PPM1L: variants seen among roughly 807,000 people sequenced by gnomAD.
The protein encoded by PPM1L is protein phosphatase, Mg2+/Mn2+ dependent 1L.
Under a neutral mutation model 31.4 loss-of-function variants are expected in PPM1L, and 13 were observed. The observed-to-expected ratio is 0.41, with a 90% CI of 0.27 to 0.66. The LOEUF (loss-of-function observed/expected upper bound fraction) is 0.66, where lower values mean the gene tolerates loss of function less well. PPM1L is among the 30% of genes least tolerant of loss of function. The pLI is 0.29. For synonymous variants in PPM1L, 184 were observed against 175.4 expected, an observed-to-expected ratio of 1.05 and a Z score of -0.39; for missense variants, 326 against 453.7, an observed-to-expected ratio of 0.72 and a Z score of 2.56.
At chr3:160,868,037 C>G (rs915966341) in intron 1 of PPM1L, among the ~76,000 whole-genome samples, 1 of 152,030 alleles carries the variant, frequency 6.6e-6, no homozygotes. Context: ...AAATATTAGC[C>G]TTTGTTGGAA....
At chr3:160,904,835 G>A (rs903369853) in intron 1 of PPM1L, among the ~76,000 whole-genome samples, 7 of 152,194 alleles carry the variant, frequency 4.6e-5, no homozygotes, top group African/African-American at 1.7e-4. Context: ...TATCTTTCAC[G>A]ATATGAGTGG....
chr3:160,784,423 A>G (rs568855842), intron 1 of PPM1L, among the ~76,000 whole-genome samples: 1 of 152,178 alleles, frequency 6.6e-6, no homozygotes, highest in Non-Finnish European at 1.5e-5. Flanking sequence ...GTTAATCAGG[A>G]ATAAGAGTTT....
intron 1 of PPM1L, among the ~76,000 whole-genome samples, chr3:160,920,460 A>G (rs1007879675): frequency 2.0e-5 from 3 of 152,162 alleles, no homozygotes; most frequent in African/African-American, 7.2e-5. Flanking sequence ...AAGCCTGTTT[A>G]CTTTTCCTGC....
At chr3:161,008,807 T>C (rs1336359231) in intron 2 of PPM1L, among the ~76,000 whole-genome samples, 1 of 152,168 alleles carries the variant, frequency 6.6e-6, no homozygotes, top group Non-Finnish European at 1.5e-5. Flanking sequence ...TATTAGGAGC[T>C]TAGTTTGGGA....
chr3:161,022,110 A>C, intron 2 of PPM1L: 3 of 659,338 alleles, frequency 4.6e-6, no homozygotes, highest in Non-Finnish European at 8.2e-6. Flanking sequence ...TTGTGTAGCT[A>C]GATGTTTTCT....
intron 2 of PPM1L, among the ~76,000 whole-genome samples, chr3:161,032,001 G>A (rs1010390202): frequency 1.3e-5 from 2 of 152,150 alleles, no homozygotes; most frequent in African/African-American, 4.8e-5. Flanking sequence ...GTCTAACAGG[G>A]CTGACCTATC....
At chr3:160,923,023 A>T (rs1376135746) in intron 1 of PPM1L, among the ~76,000 whole-genome samples, 1 of 152,242 alleles carries the variant, frequency 6.6e-6, no homozygotes, top group South Asian at 2.1e-4. Context: ...ACTAATGCCT[A>T]TTCAGCTGGA....
chr3:160,782,194 CA>C (rs1458527407), intron 1 of PPM1L, among the ~76,000 whole-genome samples: 2 of 151,712 alleles, frequency 1.3e-5, no homozygotes, highest in African/African-American at 4.8e-5. Flanking sequence ...TAAATGTTGT[CA>C]TGATTATCTC....
intron 1 of PPM1L, among the ~76,000 whole-genome samples, chr3:160,799,910 G>T (rs1712374390): frequency 6.6e-6 from 1 of 151,934 alleles, no homozygotes; most frequent in Admixed American, 6.6e-5. Context: ...TTTGTGTATT[G>T]TACGTCTCCC....
chr3:161,035,774 A>T (rs1718724184), intron 2 of PPM1L: 1 of 152,222 alleles, frequency 6.6e-6, no homozygotes, highest in South Asian at 2.1e-4. Context: ...TTCCCAATAG[A>T]TGACTTTGTT....
At chr3:161,010,472 T>C (rs889652165) in intron 2 of PPM1L, among the ~76,000 whole-genome samples, 10 of 152,214 alleles carry the variant, frequency 6.6e-5, no homozygotes, top group African/African-American at 2.4e-4. Flanking sequence ...TGAATAGTGC[T>C]GCAATAAACA....
chr3:161,018,892 T>C (rs1718160721), intron 2 of PPM1L, among the ~76,000 whole-genome samples: 1 of 152,188 alleles, frequency 6.6e-6, no homozygotes, highest in African/African-American at 2.4e-5. Context: ...TGACCTTCTT[T>C]GGAATTCACT....
intron 1 of PPM1L, among the ~76,000 whole-genome samples, chr3:160,838,965 G>A (rs1235383360): frequency 6.6e-6 from 1 of 152,176 alleles, no homozygotes; most frequent in African/African-American, 2.4e-5. Flanking sequence ...ATTAGGATTA[G>A]ATAAGGTCAT....
chr3:160,874,039 A>G (rs967444580), intron 1 of PPM1L, among the ~76,000 whole-genome samples: 3 of 152,202 alleles, frequency 2.0e-5, no homozygotes, highest in Admixed American at 2.0e-4. Flanking sequence ...TTGGCTACCC[A>G]GAGTCTGAAC....
At chr3:160,950,016 C>T (rs1247454233) in intron 1 of PPM1L, among the ~76,000 whole-genome samples, 1 of 152,086 alleles carries the variant, frequency 6.6e-6, no homozygotes, top group East Asian at 1.9e-4. Flanking sequence ...TGGCAGGTCT[C>T]GAAGTGGGAG....
At chr3:160,967,424 C>T (rs934455274) in intron 2 of PPM1L, among the ~76,000 whole-genome samples, 26 of 152,058 alleles carry the variant, frequency 1.7e-4, no homozygotes, top group African/African-American at 6.0e-4. Context: ...GTCAAGGCAC[C>T]AGCAGATATG....
At chr3:160,936,348 C>T (rs1714974242) in intron 1 of PPM1L, among the ~76,000 whole-genome samples, 1 of 152,192 alleles carries the variant, frequency 6.6e-6, no homozygotes, top group Non-Finnish European at 1.5e-5. Flanking sequence ...ACCTCGGCCT[C>T]CCAAAGTGCT....
rs902505512 is a variant in PPM1L, at chr3:160,954,173, G to A, written c.400-7563G>A. 1.4e-4 allele frequency among the ~76,000 whole-genome samples: 21 copies of A among 152,068 alleles called. No homozygotes were observed. The East Asian group carries it at 3.5e-3, about 25-fold the overall frequency. ...TAGGGTTGTTGTAAGGATTACATAC[G>A]CTAACACATTTAAAGCATTCAGCAC... On this transcript the variant is annotated intron_variant, in intron 1 of 3. Transcript: ENST00000498165.
At chr3:161,002,279 A>G (rs560701666) in intron 2 of PPM1L, among the ~76,000 whole-genome samples, 10 of 152,296 alleles carry the variant, frequency 6.6e-5, no homozygotes, top group Non-Finnish European at 7.3e-5. Context: ...GCTATTGTGA[A>G]TAATGCCACA....
Sources: gnomAD v4.1 joint callset for allele counts (sites outside exome capture counted in the v4.1 genomes callset) on GRCh38, gnomAD v4.1.1 for gene constraint, MANE v1.5 for transcripts, NCBI Gene and HGNC (gene_info 2026-07-23, HGNC 2026-07-21) for gene names.